Variants in ASCC2 observed in about 807,000 individuals in gnomAD.
ASCC2 encodes activating signal cointegrator 1 complex subunit 2, also known as ASC-1 complex subunit P100.
ASCC2 carries 42 observed loss-of-function variants against 93.5 expected under a neutral mutation model. That is an observed-to-expected ratio of 0.45 (90% confidence interval 0.35 to 0.58). The LOEUF is 0.58. Among genes scored for constraint, ASCC2 ranks in the 20% least tolerant of loss-of-function variants. ASCC2 has a pLI of 0.00. For missense variants in ASCC2, 859 were observed against 977.6 expected (o/e 0.88, Z 1.62); for synonymous variants, 364 against 384.2 (o/e 0.95, Z 0.62).
At chr22:29,821,105 C>A (rs1378059159) in intron 5 of ASCC2, among the ~76,000 whole-genome samples, 2 of 152,186 alleles carry the variant, frequency 1.3e-5, no homozygotes, top group Non-Finnish European at 2.9e-5. Context: ...GAGGAATTCA[C>A]TGGGGCGCTC....
intron 6 of ASCC2, 128 bp from the exon 7 acceptor site, chr22:29,814,895 A>G: frequency 7.2e-6 from 5 of 695,332 alleles, no homozygotes; most frequent in Non-Finnish European, 1.2e-5. Flanking sequence ...TGTTTCCAGG[A>G]TATAAGCTGA....
Position 29,808,181 on chromosome 22 carries a change from C to G in ASCC2, c.838G>C (p.Ala280Pro). 6.2e-7 allele frequency: 1 copy of G among 1,614,214 alleles called. No homozygotes were observed. Among genetic ancestry groups the G allele is most frequent in the South Asian group, 1.1e-5 (1 of 91,086 alleles). ...GGAATTGCTGCTTCGTAGAAGGAAG[C>G]TAGTCTGTGCAGGCACACACAGGGA... Reference protein sequence around the residue: ...FQKHDFCYRLASFYEAAIPEM... With the variant: ...FQKHDFCYRLPSFYEAAIPEM... The change falls in exon 9 of 20, where the codon GCT (alanine) becomes CCT (proline). Residue 280 changes from alanine to proline, a missense_variant. Ala to Pro is a conservative substitution (Grantham distance 27). Transcript: ENST00000307790.
chr22:29,818,095 T>C (rs530110206), intron 5 of ASCC2, among the ~76,000 whole-genome samples: 2 of 148,422 alleles, frequency 1.3e-5, no homozygotes, highest in East Asian at 3.9e-4. Context: ...GGTGGGAGGA[T>C]TGCTTGGAAA....
chr22:29,834,546 G>T, intron 1 of ASCC2: 1 of 470,712 alleles, frequency 2.1e-6, no homozygotes, highest in South Asian at 1.6e-5. Context: ...CATACACGAG[G>T]TGGCCTGAAA....
At chr22:29,790,606 G>C in intron 18 of ASCC2, 58 bp from the exon 19 acceptor site, 2 of 1,540,242 alleles carry the variant, frequency 1.3e-6, no homozygotes, top group Admixed American at 3.4e-5. Context: ...TTTCCTAAGC[G>C]GCGATGAGGC....
rs944315755 is a variant in ASCC2, at chr22:29,825,184, C to T, written c.314G>A (p.Gly105Glu). The T allele has an allele frequency of 7.7e-6, 12 of 1,565,144 alleles. No individual in the cohort carries two copies. The Admixed American group carries it at 9.8e-5, about 13-fold the overall frequency. Reference sequence around the variant, plus strand: ...AACAACCTCAGGGGCTGAGGCCACCCCCTCGTCGAATTTGCGGGGGACATA... The same window carrying T: ...AACAACCTCAGGGGCTGAGGCCACCTCCTCGTCGAATTTGCGGGGGACATA... ...LRYVPRKFDE[G>E]VASAPEVVDM... is the part of the protein sequence containing the mutation. The change falls in exon 4 of 20, where the codon GGG (glycine) becomes GAG (glutamate). Residue 105 changes from glycine (G) to glutamate (E), a missense_variant. Transcript: ENST00000307790. This position sits in a 1 kb window ranked among gnomAD's most constrained non-coding sequence, Gnocchi z 4.9.
chr22:29,817,426 A>G (rs2060993865), intron 5 of ASCC2, among the ~76,000 whole-genome samples: 1 of 150,020 alleles, frequency 6.7e-6, no homozygotes, highest in Non-Finnish European at 1.5e-5. Context: ...CCTACACTAC[A>G]CTCCTCCCTC....
At chr22:29,792,939 A>T (rs75661409) in intron 17 of ASCC2, among the ~76,000 whole-genome samples, 10,126 of 152,194 alleles carry the variant, frequency 0.067, 398 homozygotes, top group Non-Finnish European at 0.085. Context: ...TGAGCCCAGG[A>T]GGTGAGACTA....
intron 8 of ASCC2, among the ~76,000 whole-genome samples, chr22:29,808,709 G>T (rs542537778): frequency 6.6e-6 from 1 of 151,516 alleles, no homozygotes; most frequent in African/African-American, 2.4e-5. Context: ...TGTAGCCCCA[G>T]CTACTTGGGA....
At chr22:29,818,408 A>C (rs867052762) in intron 5 of ASCC2, among the ~76,000 whole-genome samples, 144 of 3,144 alleles carry the variant, frequency 0.046, 1 homozygote, top group Non-Finnish European at 0.086. Context: ...CTGCCTACAC[A>C]CACACACACA....
At chr22:29,814,535 G>C in intron 7 of ASCC2, 122 bp downstream of exon 7, 1 of 677,734 alleles carries the variant, frequency 1.5e-6, no homozygotes, top group Non-Finnish European at 2.4e-6. Context: ...TGGAGGAAGG[G>C]GCCCTGGGCA....
intron 5 of ASCC2, among the ~76,000 whole-genome samples, chr22:29,820,434 T>A (rs924428423): frequency 6.6e-6 from 1 of 150,828 alleles, no homozygotes; most frequent in Non-Finnish European, 1.5e-5. Context: ...AGTGCTGGGG[T>A]TACAGGCGTG....
chr22:29,790,298 TTC>T (rs1375906597), intron 19 of ASCC2, among the ~76,000 whole-genome samples, 169 bp downstream of exon 19: 1 of 152,200 alleles, frequency 6.6e-6, no homozygotes, highest in Non-Finnish European at 1.5e-5. Flanking sequence ...CCTGAGTTTT[TTC>T]ATCTGTCAAA....
At chr22:29,834,837 A>C (rs868844921) in intron 1 of ASCC2, among the ~76,000 whole-genome samples, 2 of 152,306 alleles carry the variant, frequency 1.3e-5, no homozygotes, top group Middle Eastern at 3.4e-3. Flanking sequence ...AATATGTTAA[A>C]AAATAATAAT....
chr22:29,811,169 C>A (rs972085718), intron 8 of ASCC2, among the ~76,000 whole-genome samples: 2 of 152,200 alleles, frequency 1.3e-5, no homozygotes. Context: ...ACTGATGTGG[C>A]ACCACTGTTA....
intron 5 of ASCC2, chr22:29,821,764 G>C (rs1313797180): frequency 3.2e-6 from 1 of 315,536 alleles, no homozygotes; most frequent in East Asian, 1.0e-4. Context: ...GGAAGCTAAA[G>C]CAGGAGGATG....
intron 1 of ASCC2, among the ~76,000 whole-genome samples, chr22:29,833,267 A>G (rs1345048112): frequency 6.6e-6 from 1 of 152,204 alleles, no homozygotes; most frequent in African/African-American, 2.4e-5. Flanking sequence ...GAATGACTAC[A>G]TATGAGGACA....
intron 1 of ASCC2, chr22:29,833,430 A>T (rs1275411021): frequency 5.7e-6 from 2 of 352,556 alleles, no homozygotes; most frequent in Non-Finnish European, 1.1e-5. Flanking sequence ...AGAAGGGAAG[A>T]AGGACATGGA....
intron 15 of ASCC2, among the ~76,000 whole-genome samples, chr22:29,796,920 T>C (rs1452427992): frequency 1.3e-5 from 2 of 152,164 alleles, no homozygotes; most frequent in African/African-American, 2.4e-5. Flanking sequence ...GGGGCAGTTC[T>C]TTCATGCTGT....
Sources: allele counts gnomAD v4.1 joint callset (sites outside exome capture counted in the v4.1 genomes callset), GRCh38; gene constraint gnomAD v4.1.1; non-coding constraint Gnocchi (gnomAD v3.1); transcripts MANE v1.5; gene names NCBI Gene and HGNC (gene_info 2026-07-23, HGNC 2026-07-21).